The following STX8 variants were observed in gnomAD, a reference collection of about 807,000 sequenced individuals.
The protein encoded by STX8 is syntaxin 8, also known as syntaxin-8.
Under a neutral mutation model 37.5 loss-of-function variants are expected in STX8, and 23 were observed. The observed-to-expected ratio is 0.61, with a 90% CI of 0.44 to 0.87. The LOEUF (loss-of-function observed/expected upper bound fraction) is 0.87, where lower values mean the gene tolerates loss of function less well. Among genes scored for constraint, STX8 ranks in the 40% least tolerant of loss-of-function variants. STX8 has a pLI of 0.00. For missense variants in STX8, 313 were observed against 284.7 expected (o/e 1.10, Z -0.71); for synonymous variants, 115 against 99.1 (o/e 1.16, Z -0.95).
chr17:9,289,898 T>C (rs1364621709), intron 7 of STX8, among the ~76,000 whole-genome samples: 2 of 152,220 alleles, frequency 1.3e-5, no homozygotes, highest in African/African-American at 2.4e-5. Flanking sequence ...GCTCTGTTAA[T>C]GATATTGATA....
In STX8 at chr17:9,514,857, GC is replaced by G. The variant is rs567026792; in HGVS notation, c.324-9696del. On this transcript the variant is annotated intron_variant, in intron 4 of 7. Coordinates refer to ENST00000306357, the MANE Select transcript of STX8 (RefSeq NM_004853.3). The stretch of plus-strand genomic sequence containing the variant: ...AAGGTGCATATCCACTAGACAGAAG[GC>G]AGAAACTGAAAATCACCCTTCGCTG... Among the ~76,000 whole-genome samples, 908 of 152,196 alleles carry G rather than the reference GC, an allele frequency of 6.0e-3. 4 individuals carry two copies. The highest frequency in any genetic ancestry group is 0.024 in the Middle Eastern group (7 of 294).
At chr17:9,316,721 C>G (rs1035959372) in intron 7 of STX8, among the ~76,000 whole-genome samples, 2 of 152,136 alleles carry the variant, frequency 1.3e-5, no homozygotes, top group African/African-American at 2.4e-5. Flanking sequence ...AGCAAATAAT[C>G]GAACCCAAGG....
At chr17:9,495,005 T>C (rs1377652765) in intron 5 of STX8, among the ~76,000 whole-genome samples, 2 of 152,208 alleles carry the variant, frequency 1.3e-5, no homozygotes, top group Non-Finnish European at 2.9e-5. Flanking sequence ...TAAAGGCTTA[T>C]CTACAAAAGC....
At chr17:9,365,311 C>T (rs563990640) in intron 7 of STX8, among the ~76,000 whole-genome samples, 1 of 152,360 alleles carries the variant, frequency 6.6e-6, no homozygotes, top group South Asian at 2.1e-4. Context: ...CTGCCGTTGA[C>T]GGCTCTAGTT....
chr17:9,274,744 C>CTTTTTTTTTTTTTTTTTTTTTTTTTTT (rs201550065), intron 7 of STX8, among the ~76,000 whole-genome samples: 1 of 88,884 alleles, frequency 1.1e-5, no homozygotes, highest in African/African-American at 3.7e-5. Flanking sequence ...ACAACAATTT[C>CTTTTTTTTTTTTTTTTTTTTTTTTTTT]TTTTTTCTTT....
chr17:9,274,472 C>T (rs969927143), intron 7 of STX8, among the ~76,000 whole-genome samples: 18 of 151,720 alleles, frequency 1.2e-4, no homozygotes, highest in Admixed American at 5.3e-4. Context: ...GTCAGGAGAT[C>T]GAGACCATCC....
intron 6 of STX8, among the ~76,000 whole-genome samples, chr17:9,398,111 T>C (rs1388546304): frequency 6.6e-6 from 1 of 151,918 alleles, no homozygotes; most frequent in Non-Finnish European, 1.5e-5. Flanking sequence ...AGAGTGTAAC[T>C]CTCTCTTTCT....
intron 7 of STX8, among the ~76,000 whole-genome samples, chr17:9,368,996 C>T (rs1911317585): frequency 6.6e-6 from 1 of 151,966 alleles, no homozygotes; most frequent in Admixed American, 6.6e-5. Flanking sequence ...TCATAGCTCA[C>T]CGCAACGTTG....
intron 6 of STX8, among the ~76,000 whole-genome samples, chr17:9,442,364 C>T (rs1904694377): frequency 6.6e-6 from 1 of 152,148 alleles, no homozygotes; most frequent in South Asian, 2.1e-4. Flanking sequence ...CCATCCCAAC[C>T]CCGCTCCTAT....
At chr17:9,439,507 T>TCA (rs1904562799) in intron 6 of STX8, among the ~76,000 whole-genome samples, 1 of 151,988 alleles carries the variant, frequency 6.6e-6, no homozygotes, top group African/African-American at 2.4e-5. Flanking sequence ...ATTGTTATGA[T>TCA]CACTACTGTA....
chr17:9,468,074 TAGC>T (rs1434001103), intron 6 of STX8, among the ~76,000 whole-genome samples: 3 of 152,104 alleles, frequency 2.0e-5, no homozygotes, highest in African/African-American at 7.2e-5. Flanking sequence ...TGGTTAGAAA[TAGC>T]GTAGAAACAA....
chr17:9,528,509 C>A (rs1905672327), intron 4 of STX8, among the ~76,000 whole-genome samples: 1 of 152,034 alleles, frequency 6.6e-6, no homozygotes, highest in South Asian at 2.1e-4. Context: ...GAGTAGAGAC[C>A]ATGTTGTCCA....
intron 1 of STX8, chr17:9,570,075 C>G (rs571738029): frequency 1.3e-5 from 2 of 152,302 alleles, no homozygotes; most frequent in African/African-American, 4.8e-5. Flanking sequence ...TCTTCCAGGA[C>G]CAGTCCATCA....
chr17:9,283,454 T>A (rs1907962325), intron 7 of STX8, among the ~76,000 whole-genome samples: 1 of 152,102 alleles, frequency 6.6e-6, no homozygotes, highest in African/African-American at 2.4e-5. Flanking sequence ...GGCAGGAGAA[T>A]CACTGAACCT....
At chr17:9,271,874 A>C (rs943524162) in intron 7 of STX8, among the ~76,000 whole-genome samples, 1 of 152,142 alleles carries the variant, frequency 6.6e-6, no homozygotes, top group African/African-American at 2.4e-5. Flanking sequence ...ATACAATAAA[A>C]TATCATCTGT....
intron 7 of STX8, among the ~76,000 whole-genome samples, chr17:9,359,971 T>G (rs866739191): frequency 1.2e-4 from 18 of 150,922 alleles, no homozygotes; most frequent in African/African-American, 3.9e-4. Context: ...GGGACAGGAG[T>G]GGGGAGAAGG....
intron 5 of STX8, among the ~76,000 whole-genome samples, chr17:9,496,736 A>T (rs906273997): frequency 6.6e-6 from 1 of 152,172 alleles, no homozygotes. Flanking sequence ...GAGTCCTGAA[A>T]AGCAGAGAAC....
In STX8 at chr17:9,299,945, C is replaced by T. The variant is rs534070172; in HGVS notation, c.644-49300G>A. On this transcript the variant is annotated intron_variant, in intron 7 of 7. Coordinates refer to ENST00000306357, the MANE Select transcript of STX8 (RefSeq NM_004853.3). ...TGTAGAGAGCTTTAAGTTGTTATCTCGTCAAGATCTTGGAACCTAGGCAGG... is the reference window on the plus strand; with the variant it reads ...TGTAGAGAGCTTTAAGTTGTTATCTTGTCAAGATCTTGGAACCTAGGCAGG... 4.6e-5 allele frequency among the ~76,000 whole-genome samples: 7 copies of T among 152,286 alleles called. No homozygotes were observed. In the South Asian group the frequency reaches 1.5e-3, roughly 32 times the overall value.
chr17:9,323,564 G>A (rs562213867), intron 7 of STX8, among the ~76,000 whole-genome samples: 2 of 152,184 alleles, frequency 1.3e-5, no homozygotes, highest in Admixed American at 6.5e-5. Context: ...TCAGAAGAAC[G>A]GTGGGATCAC....
Sources: gnomAD v4.1 joint callset for allele counts (sites outside exome capture counted in the v4.1 genomes callset) on GRCh38, gnomAD v4.1.1 for gene constraint, MANE v1.5 for transcripts, NCBI Gene and HGNC (gene_info 2026-07-23, HGNC 2026-07-21) for gene names.